SOX6: variants seen among roughly 807,000 people sequenced by gnomAD.
SOX6 encodes the protein SRY-box transcription factor 6.
Under a neutral mutation model 97.8 loss-of-function variants are expected in SOX6, and 11 were observed. The ratio of observed to expected loss-of-function variants is 0.11; its 90% CI spans 0.07 to 0.19. The LOEUF is 0.19. Among genes scored for constraint, SOX6 ranks in the 10% least tolerant of loss-of-function variants. SOX6 has a pLI of 1.00. For synonymous variants in SOX6, 360 were observed against 371.4 expected, an observed-to-expected ratio of 0.97 and a Z score of 0.35; for missense variants, 810 against 1,039.5, an observed-to-expected ratio of 0.78 and a Z score of 3.04.
intron 3 of SOX6, among the ~76,000 whole-genome samples, chr11:16,691,231 A>T (rs1304744007): frequency 6.6e-6 from 1 of 152,240 alleles, no homozygotes; most frequent in Non-Finnish European, 1.5e-5. Flanking sequence ...TTCACAAGGC[A>T]GCAGAGGAAG....
intron 1 of SOX6, among the ~76,000 whole-genome samples, chr11:16,424,774 A>G (rs1454656218): frequency 6.6e-6 from 1 of 152,242 alleles, no homozygotes; most frequent in Non-Finnish European, 1.5e-5. Context: ...CCAACTCTGA[A>G]CCAGTAACTC....
intron 3 of SOX6, among the ~76,000 whole-genome samples, chr11:16,235,872 G>T (rs1853001202): frequency 1.3e-5 from 2 of 152,056 alleles, no homozygotes; most frequent in Admixed American, 1.3e-4. Flanking sequence ...CCACTGCATG[G>T]TTAGAAAGTA....
chr11:16,546,113 A>AC (rs1211180214), intron 4 of SOX6, among the ~76,000 whole-genome samples: 1 of 105,188 alleles, frequency 9.5e-6, no homozygotes, highest in African/African-American at 2.8e-5. Flanking sequence ...AGCAACAACA[A>AC]AAAAAAATAC....
At chr11:16,700,075 C>A (rs1024761217) in intron 3 of SOX6, among the ~76,000 whole-genome samples, 3 of 151,872 alleles carry the variant, frequency 2.0e-5, no homozygotes, top group African/African-American at 7.3e-5. Flanking sequence ...ACAGCATGTA[C>A]AAATCACTAC....
intron 7 of SOX6, among the ~76,000 whole-genome samples, chr11:16,106,008 A>G: frequency 6.6e-6 from 1 of 152,164 alleles, no homozygotes; most frequent in East Asian, 1.9e-4. Context: ...GAGATGAAAG[A>G]CTTGTATGTT....
intron 6 of SOX6, among the ~76,000 whole-genome samples, chr11:16,136,365 A>G (rs1274484503): frequency 2.1e-5 from 2 of 97,458 alleles, no homozygotes; most frequent in Admixed American, 1.2e-4. Flanking sequence ...TTTTTTTTTG[A>G]CATAATGCAA....
At chr11:16,018,312 G>A (rs1313420830) in intron 12 of SOX6, among the ~76,000 whole-genome samples, 2 of 151,874 alleles carry the variant, frequency 1.3e-5, no homozygotes, top group African/African-American at 2.4e-5. Context: ...TCAACTCTTC[G>A]GGCATTATTT....
At chr11:16,254,234 T>C (rs1853611896) in intron 3 of SOX6, among the ~76,000 whole-genome samples, 1 of 152,086 alleles carries the variant, frequency 6.6e-6, no homozygotes, top group African/African-American at 2.4e-5. Flanking sequence ...AGGAAAATTA[T>C]ATAGTTTAGA....
chr11:16,571,714 C>T (rs550394116), intron 4 of SOX6, among the ~76,000 whole-genome samples: 17 of 152,252 alleles, frequency 1.1e-4, no homozygotes, highest in Non-Finnish European at 2.1e-4. Flanking sequence ...TGCAGTAGTG[C>T]GATCTCGCCT....
intron 6 of SOX6, among the ~76,000 whole-genome samples, chr11:16,123,329 G>C (rs552463060): frequency 1.3e-5 from 2 of 152,084 alleles, no homozygotes; most frequent in South Asian, 4.1e-4. Flanking sequence ...AAGCAAGAAG[G>C]CCTGAGAAAC....
intron 3 of SOX6, chr11:16,313,424 G>C (rs1431798597): frequency 1.3e-5 from 2 of 152,022 alleles, no homozygotes; most frequent in Non-Finnish European, 2.9e-5. Context: ...CATGAAATAT[G>C]GCCCTCAAAC....
chr11:16,013,514 T>C (rs1212599735), intron 13 of SOX6, among the ~76,000 whole-genome samples: 4 of 152,022 alleles, frequency 2.6e-5, no homozygotes, highest in Non-Finnish European at 5.9e-5. Flanking sequence ...TAATGGGCTG[T>C]TGATACACAT....
intron 13 of SOX6, among the ~76,000 whole-genome samples, chr11:16,000,483 T>C (rs1026045303): frequency 2.6e-5 from 4 of 152,228 alleles, no homozygotes; most frequent in Non-Finnish European, 2.9e-5. Context: ...TTGTTGAATA[T>C]ATAAGAGCCG....
intron 3 of SOX6, among the ~76,000 whole-genome samples, chr11:16,631,363 T>C (rs1848704460): frequency 1.3e-5 from 2 of 152,262 alleles, no homozygotes; most frequent in Admixed American, 1.3e-4. Context: ...TGACAGGACA[T>C]GAAATTCTTG....
chr11:16,280,705 C>T (rs548027503), intron 3 of SOX6, among the ~76,000 whole-genome samples: 1 of 152,014 alleles, frequency 6.6e-6, no homozygotes, highest in African/African-American at 2.4e-5. Flanking sequence ...ACTAATGGCA[C>T]CAGTAGTTAA....
At chr11:15,982,935 C>A (rs1031309847) in intron 15 of SOX6, among the ~76,000 whole-genome samples, 28 of 151,988 alleles carry the variant, frequency 1.8e-4, no homozygotes, top group Non-Finnish European at 2.9e-4. Context: ...ATTGTAGCTA[C>A]ATGTACCCTA....
intron 1 of SOX6, among the ~76,000 whole-genome samples, chr11:16,365,695 G>A (rs941450157): frequency 6.6e-6 from 1 of 152,070 alleles, no homozygotes; most frequent in Non-Finnish European, 1.5e-5. Context: ...CTGTGAAAAT[G>A]CCAAATGTAT....
chr11:16,509,180 T>C (rs1860837389), intron 4 of SOX6, among the ~76,000 whole-genome samples: 1 of 151,870 alleles, frequency 6.6e-6, no homozygotes, highest in Admixed American at 6.6e-5. Flanking sequence ...ATTGCATTTA[T>C]TTAATTGAAT....
chr11:16,478,095 T>C (rs1299532472), upstream of SOX6, among the ~76,000 whole-genome samples: 1 of 152,260 alleles, frequency 6.6e-6, no homozygotes, highest in African/African-American at 2.4e-5. Flanking sequence ...CCCGCTGAGT[T>C]ATAAATTATA....
Sources: allele counts gnomAD v4.1 joint callset (sites outside exome capture counted in the v4.1 genomes callset), GRCh38; gene constraint gnomAD v4.1.1; transcripts MANE v1.5; gene names NCBI Gene and HGNC (gene_info 2026-07-23, HGNC 2026-07-21).